Variants in SEMA3A observed in about 807,000 individuals in gnomAD.
SEMA3A encodes semaphorin 3A, also known as semaphorin-3A.
In SEMA3A, 29 loss-of-function variants were observed where a neutral mutation model predicts 97.9. That is an observed-to-expected ratio of 0.30 (90% CI 0.22 to 0.40). SEMA3A has a LOEUF of 0.40. Ranked by LOEUF, SEMA3A falls within the 10% of genes least tolerant of loss-of-function variation. The pLI is 1.00. For synonymous variants in SEMA3A, 321 were observed against 323.7 expected (o/e 0.99, Z 0.09); for missense variants, 763 against 951.3 (o/e 0.80, Z 2.60).
At position 84,015,241 on chromosome 7, in the gene SEMA3A, C is replaced by T. The variant is rs1359060500; in HGVS notation, c.668-890G>A. Reference sequence around the variant, plus strand: ...CTGCCACCCCAGTGAAATATACGTTCCATGAGAATAAGTATTTGTTGTATT... The same window carrying T: ...CTGCCACCCCAGTGAAATATACGTTTCATGAGAATAAGTATTTGTTGTATT... On this transcript the variant is annotated intron_variant, in intron 6 of 16. Transcript: ENST00000265362. 3.1e-5 allele frequency among the ~76,000 whole-genome samples: 4 copies of T among 129,418 alleles called. No individual in the cohort carries two copies. The East Asian group carries it at 6.7e-4, about 22-fold the overall frequency. 84.9% of individuals were successfully genotyped at this position (129,418 alleles called of 152,430 possible). A position where few individuals can be genotyped will look rare whatever the true frequency, so the allele number is the denominator to read the frequency against.
chr7:84,122,540 T>G (rs1482616742), intron 3 of SEMA3A, among the ~76,000 whole-genome samples: 1 of 152,164 alleles, frequency 6.6e-6, no homozygotes, highest in East Asian at 1.9e-4. Flanking sequence ...GATTTTGAAA[T>G]GTAATGTAAT....
chr7:84,411,882 T>C (rs528033035), intron 1 of SEMA3A, among the ~76,000 whole-genome samples: 3 of 152,166 alleles, frequency 2.0e-5, no homozygotes, highest in Non-Finnish European at 4.4e-5. Flanking sequence ...TGAATCCTGG[T>C]AATAAAGTAG....
intron 3 of SEMA3A, among the ~76,000 whole-genome samples, chr7:84,234,140 G>A (rs1398640633): frequency 6.6e-6 from 1 of 151,950 alleles, no homozygotes. Context: ...GTTAGTGATG[G>A]CCATTATATC....
chr7:84,257,382 C>T (rs958634928), intron 3 of SEMA3A, among the ~76,000 whole-genome samples: 3 of 151,984 alleles, frequency 2.0e-5, no homozygotes, highest in Non-Finnish European at 4.4e-5. Context: ...TTAAAACTTA[C>T]ATTTTTTTCC....
chr7:84,003,525 A>G (rs532783464), intron 11 of SEMA3A, among the ~76,000 whole-genome samples: 1 of 152,284 alleles, frequency 6.6e-6, no homozygotes, highest in African/African-American at 2.4e-5. Context: ...ATAGCCATCC[A>G]CATCATCAGA....
chr7:84,426,258 A>T (rs1017251383), intron 1 of SEMA3A, among the ~76,000 whole-genome samples: 16 of 146,440 alleles, frequency 1.1e-4, no homozygotes, highest in African/African-American at 4.0e-4. Context: ...TGATAGAGAG[A>T]TAGATATAGA....
chr7:84,418,050 T>C (rs2116270471), intron 1 of SEMA3A, among the ~76,000 whole-genome samples: 1 of 152,254 alleles, frequency 6.6e-6, no homozygotes, highest in African/African-American at 2.4e-5. Flanking sequence ...GATTGAGGGA[T>C]GCCTAGGTGG....
intron 3 of SEMA3A, among the ~76,000 whole-genome samples, chr7:84,123,454 G>A (rs938954915): frequency 6.6e-6 from 1 of 151,830 alleles, no homozygotes; most frequent in African/African-American, 2.4e-5. Flanking sequence ...TGCTAAAAAT[G>A]CCACAGCAAT....
chr7:84,126,616 C>T (rs1795805602), intron 3 of SEMA3A, among the ~76,000 whole-genome samples: 1 of 152,032 alleles, frequency 6.6e-6, no homozygotes, highest in African/African-American at 2.4e-5. Context: ...GGTAAATTAG[C>T]CATTTCTATT....
At chr7:84,425,781 G>A (rs893286719) in intron 1 of SEMA3A, among the ~76,000 whole-genome samples, 4 of 148,402 alleles carry the variant, frequency 2.7e-5, no homozygotes, top group Non-Finnish European at 5.9e-5. Flanking sequence ...GACAAGCCTG[G>A]CCAATATGGT....
intron 2 of SEMA3A, among the ~76,000 whole-genome samples, chr7:84,323,759 C>T (rs1247860720): frequency 2.0e-5 from 3 of 152,140 alleles, no homozygotes; most frequent in South Asian, 4.1e-4. Flanking sequence ...TGATTACCAT[C>T]ATTCAAGGTT....
At chr7:84,167,695 T>C (rs1797255655) in intron 1 of SEMA3A, among the ~76,000 whole-genome samples, 1 of 152,168 alleles carries the variant, frequency 6.6e-6, no homozygotes, top group Non-Finnish European at 1.5e-5. Context: ...GTACAGGCTT[T>C]TCTATGTTAG....
chr7:84,026,438 C>T (rs554192271), intron 6 of SEMA3A, among the ~76,000 whole-genome samples: 7 of 152,194 alleles, frequency 4.6e-5, no homozygotes, highest in African/African-American at 1.7e-4. Flanking sequence ...TTGATGTGAC[C>T]TCTAGAAAGA....
chr7:84,345,271 C>G (rs1472225402), intron 2 of SEMA3A, among the ~76,000 whole-genome samples: 1 of 152,106 alleles, frequency 6.6e-6, no homozygotes, highest in African/African-American at 2.4e-5. Context: ...ATCATTTGAG[C>G]CTTAAGTGAA....
At chr7:84,217,379 A>G (rs1798775146) in intron 3 of SEMA3A, among the ~76,000 whole-genome samples, 1 of 152,212 alleles carries the variant, frequency 6.6e-6, no homozygotes, top group Non-Finnish European at 1.5e-5. Context: ...TTTGTCTCCT[A>G]TGGTTAAAAG....
chr7:84,138,747 G>A (rs1464055534), intron 1 of SEMA3A, among the ~76,000 whole-genome samples: 2 of 151,942 alleles, frequency 1.3e-5, no homozygotes, highest in East Asian at 1.9e-4. Flanking sequence ...TCTCCAACAC[G>A]AGATTTTTAT....
intron 12 of SEMA3A, among the ~76,000 whole-genome samples, chr7:83,995,024 C>T (rs1443145109): frequency 3.3e-5 from 5 of 152,120 alleles, no homozygotes; most frequent in African/African-American, 1.2e-4. Context: ...CTTGGTGCGC[C>T]GTTTTTTAAG....
intron 1 of SEMA3A, among the ~76,000 whole-genome samples, chr7:84,136,899 C>A (rs1796140181): frequency 6.6e-6 from 1 of 150,396 alleles, no homozygotes; most frequent in Non-Finnish European, 1.5e-5. Context: ...ACCCCACTCT[C>A]CACACACACA....
intron 2 of SEMA3A, among the ~76,000 whole-genome samples, chr7:84,361,778 G>A (rs1562919635): frequency 6.6e-6 from 1 of 151,966 alleles, no homozygotes; most frequent in Non-Finnish European, 1.5e-5. Context: ...AAGGGTCAGA[G>A]AAGCATCTTT....
Sources: gnomAD v4.1 joint callset for allele counts (sites outside exome capture counted in the v4.1 genomes callset) on GRCh38, gnomAD v4.1.1 for gene constraint, MANE v1.5 for transcripts, NCBI Gene and HGNC (gene_info 2026-07-23, HGNC 2026-07-21) for gene names.